TBC1D30: variants seen among roughly 807,000 people sequenced by gnomAD.
TBC1D30 encodes the protein TBC1 domain family, member 30.
A neutral mutation model predicts 63.2 loss-of-function variants in TBC1D30; 31 were observed. The ratio of observed to expected loss-of-function variants is 0.49; its 90% CI spans 0.37 to 0.66. The LOEUF (loss-of-function observed/expected upper bound fraction) is 0.66, where lower values mean the gene tolerates loss of function less well. Among genes scored for constraint, TBC1D30 ranks in the 30% least tolerant of loss-of-function variants. TBC1D30 has a pLI of 0.00. For missense variants in TBC1D30, 810 were observed against 953.6 expected, an observed-to-expected ratio of 0.85 and a Z score of 1.98; for synonymous variants, 307 against 361.5, an observed-to-expected ratio of 0.85 and a Z score of 1.71.
At chr12:64,812,690 ATGT>A (rs1383809789) in intron 2 of TBC1D30, among the ~76,000 whole-genome samples, 2 of 152,210 alleles carry the variant, frequency 1.3e-5, no homozygotes, top group Non-Finnish European at 2.9e-5. Flanking sequence ...AAAAGTTATG[ATGT>A]TGGAGAAATA....
chr12:64,796,860 G>C (rs184756638), intron 2 of TBC1D30, among the ~76,000 whole-genome samples: 3 of 152,060 alleles, frequency 2.0e-5, no homozygotes, highest in Admixed American at 6.5e-5. Flanking sequence ...GTAAATACAA[G>C]CCTAAAAGAA....
intron 8 of TBC1D30, among the ~76,000 whole-genome samples, chr12:64,857,654 C>T (rs1877423903): frequency 6.6e-6 from 1 of 152,210 alleles, no homozygotes; most frequent in Non-Finnish European, 1.5e-5. Context: ...CAGCCTAGCA[C>T]TAGGAGTTGC....
intron 8 of TBC1D30, among the ~76,000 whole-genome samples, chr12:64,846,109 T>A (rs1876356213): frequency 6.6e-6 from 1 of 151,544 alleles, no homozygotes; most frequent in African/African-American, 2.4e-5. Context: ...TAATCCCTTT[T>A]CAGATGAGTA....
At chr12:64,833,652 A>T (rs1186970256) in intron 5 of TBC1D30, among the ~76,000 whole-genome samples, 5 of 152,190 alleles carry the variant, frequency 3.3e-5, no homozygotes, top group African/African-American at 1.2e-4. Context: ...TATACAAATG[A>T]TGGTGGACTA....
At chr12:64,815,751 CAATGAG>C (rs1287756773) in intron 2 of TBC1D30, among the ~76,000 whole-genome samples, 1 of 152,070 alleles carries the variant, frequency 6.6e-6, no homozygotes, top group Non-Finnish European at 1.5e-5. Flanking sequence ...AACTCTTAAA[CAATGAG>C]AATAACGATG....
chr12:64,803,326 C>T (rs1872690691), intron 2 of TBC1D30, among the ~76,000 whole-genome samples: 1 of 152,080 alleles, frequency 6.6e-6, no homozygotes, highest in Admixed American at 6.6e-5. Flanking sequence ...TATCCTTTGC[C>T]CACTTTTTGA....
At chr12:64,839,869 G>A (rs146919660) in intron 7 of TBC1D30, among the ~76,000 whole-genome samples, 4,562 of 152,064 alleles carry the variant, frequency 0.03, 211 homozygotes, top group African/African-American at 0.1. Flanking sequence ...GCTGGGCGTA[G>A]TGGTGGGCAC....
intron 8 of TBC1D30, among the ~76,000 whole-genome samples, chr12:64,849,442 T>A (rs1405912871): frequency 6.6e-6 from 1 of 152,226 alleles, no homozygotes; most frequent in Admixed American, 6.5e-5. Context: ...CATCTTGAGT[T>A]AATTTTTGTA....
At position 64,879,804 on chromosome 12, in the gene TBC1D30, T is replaced by C. The variant is rs1296242775; in HGVS notation, c.*4016T>C. 3 of 152,320 alleles carry C rather than the reference T, an allele frequency of 2.0e-5. No individual in the cohort carries two copies. The highest frequency in any genetic ancestry group is 3.9e-4 in the East Asian group (2 of 5,194). 9.4% of individuals were successfully genotyped at this position (152,320 alleles called of 1,614,324 possible). On this transcript the variant is annotated 3_prime_UTR_variant, in exon 12 of 12. Transcript: ENST00000539867. ...GTATTGAATTTCATAAAAAGAACTT[T>C]AATTGTATCTTTTGAGAAGGGAATA...
chr12:64,781,444 T>G (rs1592533942), intron 1 of TBC1D30, among the ~76,000 whole-genome samples: 1 of 152,236 alleles, frequency 6.6e-6, no homozygotes. Context: ...CACAGATTTA[T>G]GTCCACACTT....
At chr12:64,789,179 T>C (rs2136300112) in intron 2 of TBC1D30, among the ~76,000 whole-genome samples, 1 of 132,206 alleles carries the variant, frequency 7.6e-6, no homozygotes, top group South Asian at 2.5e-4. Context: ...TTCCTTCTTC[T>C]TCTTCTTTTT....
At chr12:64,813,746 TTTCTC>T (rs1403575325) in intron 2 of TBC1D30, among the ~76,000 whole-genome samples, 1 of 152,236 alleles carries the variant, frequency 6.6e-6, no homozygotes, top group Admixed American at 6.5e-5. Flanking sequence ...CATCTGCTAA[TTTCTC>T]TTGTAGTTGG....
Position 64,879,884 on chromosome 12 carries a change from C to G in TBC1D30, c.*4096C>G, listed in dbSNP as rs1879345590. 6.6e-6 allele frequency: 1 copy of G among 152,086 alleles called. No homozygotes were observed. The highest frequency in any genetic ancestry group is 6.5e-5 in the Admixed American group (1 of 15,272). 9.4% of individuals were successfully genotyped at this position (152,086 alleles called of 1,614,324 possible). On this transcript the variant is annotated 3_prime_UTR_variant, in exon 12 of 12. Coordinates refer to ENST00000539867, the MANE Select transcript of TBC1D30 (RefSeq NM_015279.2). The stretch of plus-strand genomic sequence containing the variant: ...AGAAATAGCCATTACTAGGTTTTGT[C>G]AAAGAATACCAGATATTTTAGAGTT...
At chr12:64,828,579 C>CA (rs1874566629) in intron 3 of TBC1D30, 70 bp downstream of exon 3, 1 of 996,818 alleles carries the variant, frequency 1.0e-6, no homozygotes, top group Non-Finnish European at 1.5e-6. Context: ...TCTGGAATGT[C>CA]AAAAAATATA....
At chr12:64,800,901 A>G (rs138645478) in intron 2 of TBC1D30, among the ~76,000 whole-genome samples, 20 of 152,298 alleles carry the variant, frequency 1.3e-4, no homozygotes, top group Non-Finnish European at 2.9e-4. Flanking sequence ...GTTTCATGCA[A>G]TGGTGGGGAC....
intron 2 of TBC1D30, among the ~76,000 whole-genome samples, chr12:64,813,935 T>C (rs1873370460): frequency 6.6e-6 from 1 of 152,200 alleles, no homozygotes; most frequent in African/African-American, 2.4e-5. Context: ...TTAGTTCCTG[T>C]GTCACAGTTT....
At chr12:64,818,417 A>G (rs1012637931) in intron 2 of TBC1D30, 1 of 983,454 alleles carries the variant, frequency 1.0e-6, no homozygotes, top group Non-Finnish European at 1.2e-6. Context: ...CCTTGTCACT[A>G]CTCACTCAGT....
At chr12:64,818,316 C>T in intron 2 of TBC1D30, 1 of 830,724 alleles carries the variant, frequency 1.2e-6, no homozygotes, top group South Asian at 5.5e-5. Context: ...GAAAACATTG[C>T]AACATATATA....
intron 8 of TBC1D30, among the ~76,000 whole-genome samples, chr12:64,852,945 C>T (rs1453357160): frequency 3.3e-5 from 5 of 152,172 alleles, no homozygotes; most frequent in Non-Finnish European, 4.4e-5. Flanking sequence ...GGAGGTATAT[C>T]CCAGTCAGGA....
Sources: allele counts gnomAD v4.1 joint callset (sites outside exome capture counted in the v4.1 genomes callset), GRCh38; gene constraint gnomAD v4.1.1; transcripts MANE v1.5; gene names NCBI Gene and HGNC (gene_info 2026-07-23, HGNC 2026-07-21).